ACYP2: variants seen among roughly 807,000 people sequenced by gnomAD.
The protein encoded by ACYP2 is acylphosphatase 2.
A neutral mutation model predicts 11.2 loss-of-function variants in ACYP2; 12 were observed. The ratio of observed to expected loss-of-function variants is 1.08; its 90% CI spans 0.69 to 1.74. The LOEUF is 1.74. Ranked by LOEUF, ACYP2 falls within the 40% of genes most tolerant of loss-of-function variation. The pLI is 0.00. For synonymous variants in ACYP2, 43 were observed against 32.2 expected (o/e 1.33, Z -1.13); for missense variants, 134 against 101.9 (o/e 1.31, Z -1.35).
At chr2:53,974,296 G>A (rs1573419130) in intron 2 of ACYP2, among the ~76,000 whole-genome samples, 1 of 152,264 alleles carries the variant, frequency 6.6e-6, no homozygotes, top group Middle Eastern at 3.4e-3. Flanking sequence ...GACAAAGAGC[G>A]GAAGAGAATG....
chr2:54,245,122 G>C (rs750163565), intron 6 of ACYP2, among the ~76,000 whole-genome samples: 9 of 151,906 alleles, frequency 5.9e-5, no homozygotes, highest in Non-Finnish European at 1.2e-4. Flanking sequence ...ATATGAATGA[G>C]AATATGAGGT....
chr2:54,151,270 G>T lies in ACYP2; in HGVS notation c.404+12522G>T, dbSNP rs74562675. Among the ~76,000 whole-genome samples the T allele has an allele frequency of 2.1e-3, 318 of 152,296 alleles. 3 individuals carry two copies. Among genetic ancestry groups the T allele is most frequent in the African/African-American group, 7.2e-3 (299 of 41,556 alleles). ...AGTTGTGACAATGGTAAATTGAAAT[G>T]CAACAATGGATTTTGTGAACAATTA... On this transcript the variant is annotated intron_variant, in intron 6 of 6. Transcript: ENST00000607452.
chr2:54,145,784 A>G (rs756266411), intron 6 of ACYP2, among the ~76,000 whole-genome samples: 1 of 152,142 alleles, frequency 6.6e-6, no homozygotes, highest in Non-Finnish European at 1.5e-5. Flanking sequence ...GAAAACAGAA[A>G]CTCTATATAT....
chr2:54,249,940 CA>C (rs1015312135), intron 6 of ACYP2, among the ~76,000 whole-genome samples: 7,495 of 44,436 alleles, frequency 0.17, 70 homozygotes, highest in Non-Finnish European at 0.22. Context: ...GACCCTGTCT[CA>C]AAAAAAAAAA....
intron 6 of ACYP2, among the ~76,000 whole-genome samples, chr2:54,276,238 G>C (rs1688561180): frequency 7.0e-6 from 1 of 141,986 alleles, no homozygotes; most frequent in Admixed American, 7.3e-5. Context: ...TTCCCCTCTG[G>C]CCATTGTCCC....
chr2:54,262,492 T>C (rs1045880357), intron 6 of ACYP2, among the ~76,000 whole-genome samples: 1 of 152,208 alleles, frequency 6.6e-6, no homozygotes, highest in Non-Finnish European at 1.5e-5. Context: ...AAGAAATTGA[T>C]ACTACAGTAA....
intron 2 of ACYP2, among the ~76,000 whole-genome samples, chr2:54,000,837 G>A (rs1326174043): frequency 6.6e-6 from 1 of 152,158 alleles, no homozygotes; most frequent in Non-Finnish European, 1.5e-5. Flanking sequence ...ACTTCAAAGG[G>A]GATATGGAAG....
chr2:54,021,861 C>G (rs1428153539), intron 2 of ACYP2, among the ~76,000 whole-genome samples: 1 of 152,124 alleles, frequency 6.6e-6, no homozygotes, highest in Non-Finnish European at 1.5e-5. Flanking sequence ...GTTGAACCAT[C>G]TGGGCAACTC....
At chr2:54,002,160 T>G (rs1672832014) in intron 2 of ACYP2, among the ~76,000 whole-genome samples, 1 of 152,196 alleles carries the variant, frequency 6.6e-6, no homozygotes, top group Admixed American at 6.5e-5. Flanking sequence ...GTCCTGCCTA[T>G]TCATTCCTAC....
intron 6 of ACYP2, among the ~76,000 whole-genome samples, 153 bp downstream of exon 3, chr2:54,138,901 C>T (rs149715345): frequency 5.7e-4 from 87 of 152,270 alleles, no homozygotes; most frequent in Middle Eastern, 3.4e-3. Context: ...CAGATCTCCC[C>T]GACTCAGCCT....
At chr2:54,177,875 C>T (rs920487703) in intron 6 of ACYP2, among the ~76,000 whole-genome samples, 4 of 149,074 alleles carry the variant, frequency 2.7e-5, no homozygotes, top group South Asian at 2.1e-4. Context: ...CCACCGTGTC[C>T]GGCCTCCTGT....
Position 54,044,858 on chromosome 2 carries a change from A to G in ACYP2, c.63-6100A>G, listed in dbSNP as rs558871559. 9.8e-5 allele frequency among the ~76,000 whole-genome samples: 15 copies of G among 152,310 alleles called. 1 individual carries two copies. The South Asian group carries it at 3.1e-3, about 32-fold the overall frequency. On this transcript the variant is annotated intron_variant, in intron 2 of 6. Coordinates refer to ENST00000607452, the MANE Select transcript of ACYP2 (RefSeq NM_001320586.2). Reference sequence around the variant, plus strand: ...TTGTGAAACCATCCCTATAAACTTTACAAAAATTAATCAGAAAAGAAGGGA... The same window carrying G: ...TTGTGAAACCATCCCTATAAACTTTGCAAAAATTAATCAGAAAAGAAGGGA...
intron 6 of ACYP2, among the ~76,000 whole-genome samples, chr2:54,289,039 A>G (rs143275069): frequency 6.6e-4 from 100 of 152,198 alleles, no homozygotes; most frequent in Admixed American, 1.5e-3. Context: ...TCAACTATAT[A>G]TAAGTAGCTT....
chr2:54,001,234 C>G (rs1672780583), intron 2 of ACYP2, among the ~76,000 whole-genome samples: 1 of 151,980 alleles, frequency 6.6e-6, no homozygotes, highest in Admixed American at 6.6e-5. Context: ...CACACACTAC[C>G]ATAGTAGTCC....
At chr2:54,046,256 A>C (rs1397203513) in intron 2 of ACYP2, among the ~76,000 whole-genome samples, 13 of 150,898 alleles carry the variant, frequency 8.6e-5, no homozygotes, top group African/African-American at 2.9e-4. Context: ...AGGCGGGTGC[A>C]TTACTTGAGG....
intron 6 of ACYP2, among the ~76,000 whole-genome samples, chr2:54,245,846 C>T (rs570825755): frequency 5.3e-5 from 8 of 151,840 alleles, no homozygotes; most frequent in East Asian, 1.9e-4. Context: ...TTTTGATGTG[C>T]GGAAGCTTTT....
At chr2:54,210,168 AT>A (rs1243795823) in intron 6 of ACYP2, among the ~76,000 whole-genome samples, 5 of 148,102 alleles carry the variant, frequency 3.4e-5, no homozygotes, top group Non-Finnish European at 4.5e-5. Context: ...AAAAAAAAAA[AT>A]TAACAGAGAA....
At chr2:54,172,996 G>A (rs976966009) in intron 6 of ACYP2, among the ~76,000 whole-genome samples, 9 of 152,096 alleles carry the variant, frequency 5.9e-5, no homozygotes, top group South Asian at 2.1e-4. Flanking sequence ...GAATAGTGCC[G>A]CAATAAACAT....
chr2:54,034,074 T>A (rs1008925662), intron 2 of ACYP2, among the ~76,000 whole-genome samples: 1 of 152,220 alleles, frequency 6.6e-6, no homozygotes, highest in African/African-American at 2.4e-5. Context: ...TTTTGGTTTT[T>A]GCCAGAAAGC....
Sources: gnomAD v4.1 joint callset for allele counts (sites outside exome capture counted in the v4.1 genomes callset) on GRCh38, gnomAD v4.1.1 for gene constraint, MANE v1.5 for transcripts, NCBI Gene and HGNC (gene_info 2026-07-23, HGNC 2026-07-21) for gene names.